Variants in NDRG2 observed in about 807,000 individuals in gnomAD.
NDRG2 encodes the protein NDRG family member 2.
Under a neutral mutation model 58.2 loss-of-function variants are expected in NDRG2, and 34 were observed. That is an observed-to-expected ratio of 0.58 (90% CI 0.44 to 0.78). The LOEUF (loss-of-function observed/expected upper bound fraction) is 0.78. Ranked by LOEUF, NDRG2 falls within the 30% of genes least tolerant of loss-of-function variation. NDRG2 has a pLI of 0.00. For missense variants in NDRG2, 434 were observed against 471.2 expected (o/e 0.92, Z 0.73); for synonymous variants, 187 against 175.9 (o/e 1.06, Z -0.50).
chr14:21,050,936 G>C (rs1303079335), intron 1 of NDRG2, among the ~76,000 whole-genome samples: 1 of 152,184 alleles, frequency 6.6e-6, no homozygotes, highest in South Asian at 2.1e-4. Context: ...TTTTATATAC[G>C]TTTTAAATTA....
In NDRG2 at chr14:21,017,578, T is replaced by G. The variant is rs1484797636; in HGVS notation, c.*18A>C. ...GGGAGGTGAGGGCTGGGTCCCACTC[T>G]AGGGCAACAAGGGCCATTCAACAGG... is the stretch of plus-strand genomic sequence containing the variant. On this transcript the variant is annotated 3_prime_UTR_variant, in exon 16 of 16. Coordinates refer to ENST00000556147, the MANE Select transcript of NDRG2 (RefSeq NM_001320329.2). 2.5e-5 allele frequency: 40 copies of G among 1,610,426 alleles called. No homozygotes were observed. The highest frequency in any genetic ancestry group is 3.1e-5 in the Non-Finnish European group (36 of 1,178,366).
intron 1 of NDRG2, among the ~76,000 whole-genome samples, chr14:21,068,816 C>T (rs1041537184): frequency 7.2e-5 from 11 of 152,234 alleles, no homozygotes; most frequent in African/African-American, 2.4e-4. Context: ...CTCTTCTTGC[C>T]TCTAAGAAGG....
rs1883156175 is a variant in NDRG2 at position 21,025,051 on chromosome 14, C to T, written c.-1028G>A. On this transcript the variant is annotated 5_prime_UTR_variant, in exon 1 of 16. Coordinates refer to ENST00000556147, the MANE Select transcript of NDRG2 (RefSeq NM_001320329.2). The surrounding 1 kb of genome is among the most constrained non-coding windows in gnomAD (Gnocchi z 5.1). Reference sequence around the variant, plus strand: ...TACCTGCTGCCGCCGCGGCCGCTTCCACCTTCACTTGCCTTTGACTCGGGC... The same window carrying T: ...TACCTGCTGCCGCCGCGGCCGCTTCTACCTTCACTTGCCTTTGACTCGGGC... 3.0e-6 allele frequency: 3 copies of T among 986,184 alleles called. No homozygotes were observed. The highest frequency in any genetic ancestry group is 1.7e-5 in the African/African-American group (1 of 57,348). 61.1% of individuals were successfully genotyped at this position (986,184 alleles called of 1,614,324 possible). A position where few individuals can be genotyped will look rare whatever the true frequency, so the allele number is the denominator to read the frequency against.
At position 21,032,267 on chromosome 14, in the gene NDRG2, G is replaced by T; in HGVS notation, c.25-8946C>A. The T allele has an allele frequency of 4.4e-6, 3 of 687,880 alleles. No individual in the cohort carries two copies. In the South Asian group the frequency reaches 4.5e-5, roughly 10 times the overall value. 42.6% of individuals were successfully genotyped at this position (687,880 alleles called of 1,614,324 possible). On this transcript the variant is annotated intron_variant, in intron 1 of 14. Coordinates refer to the NDRG2 transcript ENST00000403829. The stretch of plus-strand genomic sequence containing the variant: ...GTGGGTTCTCCACCACACACCCTTC[G>T]CTCTGCTTAGCCTTATGCCTACCAG...
At position 21,070,233 on chromosome 14, in the gene NDRG2, C is replaced by A. The variant is rs1300528101; in HGVS notation, c.24+595G>T. The A allele has an allele frequency of 1.5e-6, 1 of 663,448 alleles. No homozygotes were observed. The highest frequency in any genetic ancestry group is 2.0e-6 in the Non-Finnish European group (1 of 492,824). The allele number at this position is 663,448 out of a possible 1,614,324, so 41.1% of individuals were successfully genotyped here. A position where few individuals can be genotyped will look rare whatever the true frequency, so the allele number is the denominator to read the frequency against. On this transcript the variant is annotated intron_variant, in intron 1 of 14. Coordinates refer to the NDRG2 transcript ENST00000403829. The surrounding 1 kb of genome is among the most constrained non-coding windows in gnomAD (Gnocchi z 4.7). Reference sequence around the variant, plus strand: ...GGAGGGGCGGCCGTCTCGGCCCTCCCTGGCGGGGCCCCGCGGCCTGGAAGC... The same window carrying A: ...GGAGGGGCGGCCGTCTCGGCCCTCCATGGCGGGGCCCCGCGGCCTGGAAGC...
intron 1 of NDRG2, chr14:21,034,333 C>T: frequency 7.0e-7 from 1 of 1,422,730 alleles, no homozygotes; most frequent in East Asian, 2.3e-5. Context: ...AGCAGTGGGC[C>T]TGAAGTGGCT....
At chr14:21,021,237 T>A in intron 6 of NDRG2, 1 of 385,186 alleles carries the variant, frequency 2.6e-6, no homozygotes, top group Non-Finnish European at 5.1e-6. Context: ...AAAGCAAATG[T>A]GAAAACAGAC....
chr14:21,057,768 T>C, intron 1 of NDRG2: 2 of 788,694 alleles, frequency 2.5e-6, no homozygotes, highest in South Asian at 1.8e-5. Context: ...TATCTTAGGC[T>C]GCACATTGCC....
At chr14:21,043,000 C>T (rs762812189) in intron 1 of NDRG2, 11 of 1,612,228 alleles carry the variant, frequency 6.8e-6, no homozygotes, top group Admixed American at 3.3e-5. Flanking sequence ...GAGATGGCAC[C>T]GGCCAGAGCA....
At position 21,017,636 on chromosome 14, in the gene NDRG2, G is replaced by A. The variant is rs768301542; in HGVS notation, c.1076C>T (p.Ser359Phe). ...CATGGTGTGCCCCGGGGGCCCCGAA[G>A]AAAGAGTTCCAGACTCGCTGCTCTG... The part of the protein sequence containing the change: ...LSQSSESGTL[S>F]SGPPGHTMEV... Residue 359 changes from serine to phenylalanine, a missense_variant, in exon 16 of 16, where the codon TCT (serine) becomes TTT (phenylalanine). Physicochemically the swap from Ser to Phe is radical, Grantham distance 155. Transcript: ENST00000556147. The A allele has an allele frequency of 3.1e-6, 5 of 1,613,620 alleles. No individual in the cohort carries two copies. In the East Asian group the frequency reaches 6.7e-5, roughly 22 times the overall value.
intron 1 of NDRG2, among the ~76,000 whole-genome samples, chr14:21,061,055 G>A (rs1885933811): frequency 6.6e-6 from 1 of 152,182 alleles, no homozygotes; most frequent in Admixed American, 6.5e-5. Flanking sequence ...GAGAGGGCGA[G>A]ATTAAAGAGT....
intron 1 of NDRG2, among the ~76,000 whole-genome samples, chr14:21,056,810 A>G (rs1223278265): frequency 6.6e-6 from 1 of 152,194 alleles, no homozygotes; most frequent in Non-Finnish European, 1.5e-5. Context: ...CCCTTGCAGG[A>G]ACTCAAGCTC....
At chr14:21,054,720 A>T (rs182811240) in intron 1 of NDRG2, among the ~76,000 whole-genome samples, 56 of 152,342 alleles carry the variant, frequency 3.7e-4, no homozygotes, top group African/African-American at 1.3e-3. Flanking sequence ...TGTGGATCTT[A>T]ACCTGCCAGA....
intron 1 of NDRG2, among the ~76,000 whole-genome samples, chr14:21,056,353 C>A (rs1444329795): frequency 6.6e-6 from 1 of 152,072 alleles, no homozygotes; most frequent in Non-Finnish European, 1.5e-5. Context: ...TTAAATAATT[C>A]TTTTACAATG....
At chr14:21,063,173 C>T (rs541758141) in intron 1 of NDRG2, among the ~76,000 whole-genome samples, 12 of 151,688 alleles carry the variant, frequency 7.9e-5, no homozygotes, top group African/African-American at 1.5e-4. Context: ...TTTTAAGCAA[C>T]CAGTTTCTTC....
chr14:21,038,655 T>C lies in NDRG2; in HGVS notation c.25-15334A>G, dbSNP rs575229882. 1.4e-3 allele frequency among the ~76,000 whole-genome samples: 207 copies of C among 152,256 alleles called. 1 individual carries two copies. The highest frequency in any genetic ancestry group is 3.2e-3 in the African/African-American group (132 of 41,534). ...AGTGGGAGAAAAATCAGAGATAAAG[T>C]TAGAAAGACAGGTTTGCCCGATTGT... On this transcript the variant is annotated intron_variant, in intron 1 of 14. Transcript: ENST00000403829.
intron 15 of NDRG2, 58 bp from the exon 16 acceptor site, chr14:21,017,820 C>T (rs565923295): frequency 2.5e-4 from 396 of 1,604,342 alleles, no homozygotes; most frequent in Non-Finnish European, 3.2e-4. Flanking sequence ...GGGGGGCTGG[C>T]GACTCAGGGT....
At chr14:21,018,151 G>A in intron 14 of NDRG2, 53 bp downstream of exon 14, 1 of 1,608,526 alleles carries the variant, frequency 6.2e-7, no homozygotes. Flanking sequence ...AGAGCCCAGT[G>A]CCACCGGTAT....
At chr14:21,052,801 C>T (rs1885524586) in intron 1 of NDRG2, among the ~76,000 whole-genome samples, 1 of 152,142 alleles carries the variant, frequency 6.6e-6, no homozygotes, top group Admixed American at 6.5e-5. Context: ...CATTATTATA[C>T]ATGCTCAATT....
Sources: allele counts gnomAD v4.1 joint callset (sites outside exome capture counted in the v4.1 genomes callset), GRCh38; gene constraint gnomAD v4.1.1; non-coding constraint Gnocchi (gnomAD v3.1); transcripts MANE v1.5; gene names NCBI Gene and HGNC (gene_info 2026-07-23, HGNC 2026-07-21).